Variants in TCF25 observed in about 807,000 individuals in gnomAD.
TCF25 encodes ribosome quality control complex subunit TCF25.
A neutral mutation model predicts 83.1 loss-of-function variants in TCF25; 41 were observed. The ratio of observed to expected loss-of-function variants is 0.49; its 90% CI spans 0.38 to 0.64. The LOEUF is 0.64. Among genes scored for constraint, TCF25 ranks in the 30% least tolerant of loss-of-function variants. The probability of loss-of-function intolerance (pLI) is 0.00; values close to 1 mark genes in which losing one functional copy is unlikely to be tolerated. For synonymous variants in TCF25, 458 were observed against 365.0 expected (o/e 1.25, Z -2.90); for missense variants, 979 against 914.5 (o/e 1.07, Z -0.91).
intron 1 of TCF25, chr16:89,874,708 GCGATCCTCCCA>G (rs1334647121): frequency 6.6e-6 from 1 of 152,218 alleles, no homozygotes; most frequent in African/African-American, 2.4e-5. Flanking sequence ...TGCGGGCTCT[GCGATCCTCCCA>G]CCTCAGCCTC....
chr16:89,891,139 C>T (rs2043396344), intron 5 of TCF25, among the ~76,000 whole-genome samples: 1 of 152,252 alleles, frequency 6.6e-6, no homozygotes, highest in Non-Finnish European at 1.5e-5. Flanking sequence ...AGAGCTCCTC[C>T]AGGCTCCTGT....
At chr16:89,879,200 C>T (rs1216257358) in intron 1 of TCF25, among the ~76,000 whole-genome samples, 8 of 148,618 alleles carry the variant, frequency 5.4e-5, no homozygotes, top group Non-Finnish European at 8.9e-5. Context: ...CCGTGCTGTC[C>T]GTGTACACAG....
chr16:89,898,311 G>A (rs1046050826), intron 9 of TCF25, among the ~76,000 whole-genome samples: 10 of 151,020 alleles, frequency 6.6e-5, no homozygotes, highest in African/African-American at 2.2e-4. Context: ...TGTGTGGGGT[G>A]GAGCGGGTGC....
intron 1 of TCF25, among the ~76,000 whole-genome samples, chr16:89,881,307 G>C (rs1229736192): frequency 6.6e-6 from 1 of 152,086 alleles, no homozygotes; most frequent in African/African-American, 2.4e-5. Flanking sequence ...AGCTGATTGT[G>C]TTTTCTGAGG....
In TCF25 at chr16:89,909,412, G is replaced by T; in HGVS notation, c.1800-1179G>T. ...TGTAGTCCCAGCTACTTGGGAGGCT[G>T]AGGCAGGAAAATTGTTTGAACCCGG... On this transcript the variant is annotated intron_variant, in intron 16 of 17. Transcript: ENST00000263346. The T allele has an allele frequency of 2.4e-5, 6 of 248,080 alleles. No individual in the cohort carries two copies. In the South Asian group the frequency reaches 2.8e-4, roughly 12 times the overall value. The allele number at this position is 248,080 out of a possible 1,614,324, so 15.4% of individuals were successfully genotyped here. A position where few individuals can be genotyped will look rare whatever the true frequency, so the allele number is the denominator to read the frequency against.
Position 89,873,676 on chromosome 16 carries a change from C to A in TCF25, c.9C>A (p.Arg3=), listed in dbSNP as rs115517842. ...CGTGGTCGTTCGGTCCTATGTCGCG[C>A]CGGGCCCTCCGGAGGCTGAGGGGGG... The part of the protein sequence containing the change: MS[R]RALRRLRGEQ... The change falls in exon 1 of 18, where the codon CGC becomes CGA. Residue 3 remains arginine, a synonymous_variant. Transcript: ENST00000263346. 3 of 1,586,448 alleles carry A rather than the reference C, an allele frequency of 1.9e-6. No individual in the cohort carries two copies. The highest frequency in any genetic ancestry group is 2.7e-5 in the African/African-American group (2 of 73,114).
rs76212088 is a variant in TCF25, at chr16:89,887,216, C to G, written c.549-436C>G. ...GTCTGGTCAAAAAGTTCCTCCTTACCCTGTCATCCTTGGATGATTAATTCA... is the reference window on the plus strand; with the variant it reads ...GTCTGGTCAAAAAGTTCCTCCTTACGCTGTCATCCTTGGATGATTAATTCA... On this transcript the variant is annotated intron_variant, in intron 4 of 17. Coordinates refer to ENST00000263346, the MANE Select transcript of TCF25 (RefSeq NM_014972.3). 9.3e-3 allele frequency among the ~76,000 whole-genome samples: 1,409 copies of G among 152,102 alleles called. 18 individuals carry two copies. Among genetic ancestry groups the G allele is most frequent in the African/African-American group, 0.032 (1,340 of 41,478 alleles).
intron 5 of TCF25, chr16:89,890,676 C>T (rs961116481): frequency 5.9e-5 from 9 of 152,050 alleles, no homozygotes; most frequent in Middle Eastern, 3.2e-3. Flanking sequence ...TCCACCTCGT[C>T]CCACCCTTTG....
In TCF25 at chr16:89,889,362, A is replaced by G. The variant is rs1176500243; in HGVS notation, c.614+1645A>G. The G allele has an allele frequency of 3.5e-5, 10 of 283,506 alleles. 1 individual carries two copies. Among genetic ancestry groups the G allele is most frequent in the Middle Eastern group, 1.4e-3 (1 of 740 alleles). The allele number at this position is 283,506 out of a possible 1,614,324, so 17.6% of individuals were successfully genotyped here. ...ATTTATTTTATTTTATTTTTTATAG[A>G]AACAAGGTCTTACTTTGTTGCCCAG... is the stretch of plus-strand genomic sequence containing the variant. On this transcript the variant is annotated intron_variant, in intron 5 of 17. Transcript: ENST00000263346.
chr16:89,898,973 G>A, intron 11 of TCF25, 101 bp downstream of exon 11: 1 of 1,160,896 alleles, frequency 8.6e-7, no homozygotes, highest in Non-Finnish European at 1.3e-6. Context: ...GTTTGGGGAT[G>A]AAACGATAAT....
intron 3 of TCF25, among the ~76,000 whole-genome samples, chr16:89,885,257 T>C (rs916148446): frequency 6.6e-6 from 1 of 152,214 alleles, no homozygotes; most frequent in Admixed American, 6.5e-5. Context: ...TTCTAAATGC[T>C]GCTTCTTGTT....
chr16:89,878,401 C>T, intron 1 of TCF25: 1 of 1,204,808 alleles, frequency 8.3e-7, no homozygotes, highest in South Asian at 1.5e-5. Context: ...GCCTGGCCGA[C>T]ATGGTGAAAC....
rs903651171 is a variant in TCF25, at chr16:89,896,004, A to G, written c.943A>G (p.Ser315Gly). The change falls in exon 9 of 18, where the codon AGC (serine) becomes GGC (glycine). Residue 315 changes from serine (S) to glycine (G), a missense_variant. By Grantham distance (56) the Ser-to-Gly change is moderately conservative. Transcript: ENST00000263346. ...TGTGCCCACAGAGAGAGCGCTGTAC[A>G]GCATGGAATGTGCGTTCCACCCCCT... ...ARDLVERALY[S>G]MECAFHPLFS... 1.9e-6 allele frequency: 3 copies of G among 1,613,840 alleles called. No individual in the cohort carries two copies. The highest frequency in any genetic ancestry group is 1.7e-5 in the Admixed American group (1 of 59,990).
At chr16:89,882,540 AAG>A (rs34675950) in intron 1 of TCF25, among the ~76,000 whole-genome samples, 2 of 152,124 alleles carry the variant, frequency 1.3e-5, no homozygotes, top group African/African-American at 2.4e-5. Flanking sequence ...CTGTCTCAAA[AAG>A]AGAGAGAGAA....
At chr16:89,909,299 C>G in intron 16 of TCF25, 1 of 495,488 alleles carries the variant, frequency 2.0e-6, no homozygotes, top group South Asian at 2.0e-5. Context: ...ATCACAAGGT[C>G]AAGAGATTGA....
intron 13 of TCF25, 181 bp downstream of exon 13, chr16:89,904,386 A>C: frequency 1.5e-6 from 1 of 679,244 alleles, no homozygotes; most frequent in Admixed American, 2.7e-5. Flanking sequence ...CTGTGTGGAA[A>C]AGTCCAGGTG....
At chr16:89,904,780 C>T in intron 13 of TCF25, 158 bp from the exon 14 acceptor site, 2 of 849,768 alleles carry the variant, frequency 2.4e-6, no homozygotes, top group South Asian at 2.9e-5. Flanking sequence ...TGTGCCCCAG[C>T]CCCACGCCCT....
intron 3 of TCF25, 124 bp downstream of exon 3, chr16:89,884,780 C>T (rs1242791411): frequency 4.3e-5 from 34 of 794,366 alleles, no homozygotes; most frequent in Non-Finnish European, 5.6e-5. Context: ...CTCTGCCTGA[C>T]GCCCTCTCCC....
rs778927661 is a variant in TCF25 at position 89,910,657 on chromosome 16, C to T, written c.1866C>T (p.Thr622=). 6.2e-7 allele frequency: 1 copy of T among 1,613,556 alleles called. No individual in the cohort carries two copies. Among genetic ancestry groups the T allele is most frequent in the Non-Finnish European group, 8.5e-7 (1 of 1,179,974 alleles). ...LFFRSLLPNY[T]MEGERPEEGV... ...TCCGGTCACTGTTGCCAAACTATAC[C>T]ATGGAGGTAGGTTGAGCTCGTCCCA... Residue 622 remains threonine (T), a synonymous_variant, in exon 17 of 18, where the codon ACC becomes ACT. Transcript: ENST00000263346.
Sources: allele counts gnomAD v4.1 joint callset (sites outside exome capture counted in the v4.1 genomes callset), GRCh38; gene constraint gnomAD v4.1.1; transcripts MANE v1.5; gene names NCBI Gene and HGNC (gene_info 2026-07-23, HGNC 2026-07-21).